CFAP263: variants seen among roughly 807,000 people sequenced by gnomAD.
The protein encoded by CFAP263 is cilia and flagella associated protein 263.
chr16:58,266,008 G>A, the CFAP263 span, among the ~76,000 whole-genome samples: 88,817 of 151,956 alleles, frequency 0.58, 27,019 homozygotes, highest in African/African-American at 0.75. Context: ...CCGGCCCCAC[G>A]TCTGACCCCA....
At chr16:58,280,670 A>G in the CFAP263 span, 3 of 1,614,134 alleles carry the variant, frequency 1.9e-6, no homozygotes, top group Non-Finnish European at 1.7e-6. Context: ...AGGCCAGGGC[A>G]CGTCTCACCA....
the CFAP263 span, chr16:58,280,847 A>G: frequency 1.6e-6 from 2 of 1,273,630 alleles, no homozygotes; most frequent in Non-Finnish European, 2.1e-6. Context: ...TGTTCTAGAA[A>G]TGTTTTACGC....
the CFAP263 span, chr16:58,253,941 G>A: frequency 6.3e-7 from 1 of 1,595,816 alleles, no homozygotes; most frequent in Non-Finnish European, 8.6e-7. Flanking sequence ...TGCCTATCTT[G>A]GGCTGGTTCA....
chr16:58,251,992 A>T, the CFAP263 span, among the ~76,000 whole-genome samples: 2 of 146,824 alleles, frequency 1.4e-5, no homozygotes, highest in African/African-American at 5.1e-5. Flanking sequence ...CTTTTCATCT[A>T]TTGGGTACTG....
At chr16:58,267,402 A>T in the CFAP263 span, 1 of 997,028 alleles carries the variant, frequency 1.0e-6, no homozygotes, top group Non-Finnish European at 1.6e-6. Context: ...TCTGTTCGTT[A>T]ACAAAGAGAT....
chr16:58,254,041 G>A, the CFAP263 span: 18 of 1,614,064 alleles, frequency 1.1e-5, no homozygotes, highest in South Asian at 2.2e-5. Flanking sequence ...GGTATGGACC[G>A]TGGGGTAGGC....
chr16:58,262,485 T>C, the CFAP263 span: 2 of 1,612,662 alleles, frequency 1.2e-6, no homozygotes, highest in Non-Finnish European at 1.7e-6. Flanking sequence ...AATCAAGAAC[T>C]GACCCAGCTA....
the CFAP263 span, chr16:58,279,705 C>A: frequency 1.9e-6 from 3 of 1,607,476 alleles, no homozygotes; most frequent in Non-Finnish European, 2.5e-6. Context: ...CCTTAAAAGG[C>A]CATCGTAAGG....
chr16:58,265,681 G>A, the CFAP263 span, among the ~76,000 whole-genome samples: 6 of 152,208 alleles, frequency 3.9e-5, no homozygotes, highest in Non-Finnish European at 7.3e-5. Flanking sequence ...TATGGAAGCT[G>A]TGAGATAATA....
chr16:58,250,072 G>T, the CFAP263 span: 1 of 1,598,772 alleles, frequency 6.3e-7, no homozygotes, highest in East Asian at 2.3e-5. Flanking sequence ...GTCGGAGCTG[G>T]AGCTGCCTGT....
the CFAP263 span, among the ~76,000 whole-genome samples, chr16:58,268,505 T>G: frequency 6.6e-6 from 1 of 152,212 alleles, no homozygotes; most frequent in Non-Finnish European, 1.5e-5. Flanking sequence ...GGACCACATA[T>G]AATGATGCTT....
At chr16:58,280,244 AAAC>A in the CFAP263 span, 1 of 1,612,654 alleles carries the variant, frequency 6.2e-7, no homozygotes, top group Admixed American at 1.7e-5. Context: ...CTGCAAAAGA[AAAC>A]AAGCACGAAG....
chr16:58,281,972 A>C, the CFAP263 span: 1 of 151,340 alleles, frequency 6.6e-6, no homozygotes, highest in Non-Finnish European at 1.5e-5. Flanking sequence ...CCTCTCGAGT[A>C]GCTGGGGCTA....
chr16:58,260,071 AAAGG>A, the CFAP263 span: 1 of 582,798 alleles, frequency 1.7e-6, no homozygotes, highest in Non-Finnish European at 3.0e-6. Context: ...TACATGGCAA[AAAGG>A]ATTTTGCAGA....
At chr16:58,254,838 C>T in the CFAP263 span, among the ~76,000 whole-genome samples, 1 of 152,120 alleles carries the variant, frequency 6.6e-6, no homozygotes, top group African/African-American at 2.4e-5. Flanking sequence ...ATCTCCTGAC[C>T]TCATGATCCG....
At chr16:58,258,624 A>G in the CFAP263 span, 1 of 1,100,216 alleles carries the variant, frequency 9.1e-7, no homozygotes, top group Admixed American at 2.2e-5. Flanking sequence ...GGTCCACCAT[A>G]AATGTTGCCC....
chr16:58,250,466 C>T, the CFAP263 span: 1 of 184,728 alleles, frequency 5.4e-6, no homozygotes, highest in African/African-American at 2.4e-5. Context: ...TTTTCTGATG[C>T]TAAGATTCTA....
At chr16:58,264,274 A>G in the CFAP263 span, among the ~76,000 whole-genome samples, 2 of 152,152 alleles carry the variant, frequency 1.3e-5, no homozygotes, top group Admixed American at 1.3e-4. Flanking sequence ...ATCCTGTGGA[A>G]TCAGTTAAGC....
chr16:58,283,366 C>T, the CFAP263 span: 2 of 152,192 alleles, frequency 1.3e-5, no homozygotes, highest in Non-Finnish European at 2.9e-5. Context: ...AGGTGTGTCA[C>T]AGTTAAAAAC....
Sources: allele counts gnomAD v4.1 joint callset (sites outside exome capture counted in the v4.1 genomes callset), GRCh38; gene constraint gnomAD v4.1.1; transcripts MANE v1.5; gene names NCBI Gene and HGNC (gene_info 2026-07-23, HGNC 2026-07-21).